SLC23A2: variants seen among roughly 807,000 people sequenced by gnomAD.
SLC23A2 encodes solute carrier family 23 member 2.
Under a neutral mutation model 73.3 loss-of-function variants are expected in SLC23A2, and 36 were observed. That is an observed-to-expected ratio of 0.49 (90% CI 0.38 to 0.65). The LOEUF is 0.65. Among genes scored for constraint, SLC23A2 ranks in the 30% least tolerant of loss-of-function variants. SLC23A2 has a pLI of 0.00. For missense variants in SLC23A2, 507 were observed against 841.6 expected, an observed-to-expected ratio of 0.60 and a Z score of 4.92; for synonymous variants, 343 against 327.3, an observed-to-expected ratio of 1.05 and a Z score of -0.52.
chr20:4,976,017 C>G lies in SLC23A2; in HGVS notation c.-281-5098G>C, dbSNP rs200558307. 1.4e-4 allele frequency among the ~76,000 whole-genome samples: 21 copies of G among 151,774 alleles called. 1 individual carries two copies. In the East Asian group the frequency reaches 4.1e-3, roughly 30 times the overall value. On this transcript the variant is annotated intron_variant, in intron 1 of 16. Coordinates refer to ENST00000338244, the MANE Select transcript of SLC23A2 (RefSeq NM_005116.6). ...TACGGGCACCTGTCACCAGGCCCGG[C>G]TAATTTTTTATATTTTTAGTAGAGA...
At chr20:4,959,734 T>C (rs1006993678) in intron 2 of SLC23A2, among the ~76,000 whole-genome samples, 5 of 152,112 alleles carry the variant, frequency 3.3e-5, no homozygotes, top group African/African-American at 7.2e-5. Flanking sequence ...CAAGCAAACC[T>C]CCCGCCTTGA....
At chr20:4,928,536 G>A (rs933557164) in intron 3 of SLC23A2, among the ~76,000 whole-genome samples, 1 of 152,178 alleles carries the variant, frequency 6.6e-6, no homozygotes, top group Non-Finnish European at 1.5e-5. Context: ...GGGAGCTCAT[G>A]TTTGGACTCT....
In SLC23A2 at chr20:4,862,674, GA is replaced by G; in HGVS notation, c.1486+103del. ...GGCATATCCTTTGTATTTTAAAATA[GA>G]AATTTATCGTTACCTTCTTACTGAA... On this transcript the variant is annotated intron_variant, in intron 14 of 16. Transcript: ENST00000338244. This position sits in a 1 kb window ranked among gnomAD's most constrained non-coding sequence, Gnocchi z 5.1. The G allele has an allele frequency of 9.4e-7, 1 of 1,060,190 alleles. No individual in the cohort carries two copies. The highest frequency in any genetic ancestry group is 2.1e-4 in the Middle Eastern group (1 of 4,660). 65.7% of individuals were successfully genotyped at this position (1,060,190 alleles called of 1,614,324 possible).
intron 2 of SLC23A2, among the ~76,000 whole-genome samples, chr20:4,965,564 A>C (rs2122201938): frequency 6.6e-6 from 1 of 151,966 alleles, no homozygotes; most frequent in East Asian, 1.9e-4. Context: ...TTGAGCCCAG[A>C]AGTTCGAGAC....
At chr20:4,978,054 G>A (rs892088709) in intron 1 of SLC23A2, among the ~76,000 whole-genome samples, 29 of 151,908 alleles carry the variant, frequency 1.9e-4, no homozygotes, top group Admixed American at 6.6e-5. Flanking sequence ...AAAAATTAAA[G>A]ACACCTTTCC....
chr20:4,888,386 A>G (rs1051847445), intron 6 of SLC23A2, among the ~76,000 whole-genome samples: 7 of 152,252 alleles, frequency 4.6e-5, no homozygotes. Context: ...TGACCTGTCT[A>G]CAGGGAAAAT....
rs1019267699 is a variant in SLC23A2 at position 4,998,782 on chromosome 20, A to G, written c.-282+2624T>C. 6.6e-6 allele frequency among the ~76,000 whole-genome samples: 1 copy of G among 151,364 alleles called. No homozygotes were observed. The highest frequency in any genetic ancestry group is 1.5e-5 in the Non-Finnish European group (1 of 67,958). ...AATTTACATGTACAAAGCACCATAT[A>G]ATTTCAAATCATTACTGTTGATCTT... On this transcript the variant is annotated intron_variant, in intron 1 of 16. Transcript: ENST00000338244. This position sits in a 1 kb window ranked among gnomAD's most constrained non-coding sequence, Gnocchi z 4.1.
intron 1 of SLC23A2, among the ~76,000 whole-genome samples, chr20:4,996,028 C>T (rs2088014265): frequency 6.6e-6 from 1 of 152,114 alleles, no homozygotes; most frequent in South Asian, 2.1e-4. Flanking sequence ...ACAGAAGTTA[C>T]CCAAGACTTC....
At chr20:4,961,438 G>A (rs1447251493) in intron 2 of SLC23A2, among the ~76,000 whole-genome samples, 1 of 152,076 alleles carries the variant, frequency 6.6e-6, no homozygotes, top group Non-Finnish European at 1.5e-5. Flanking sequence ...CAATCCCCCA[G>A]AGTGGGGCCT....
Position 4,902,271 on chromosome 20 carries a change from T to G in SLC23A2, c.324+171A>C, listed in dbSNP as rs1234223196. Among the ~76,000 whole-genome samples, 1 of 152,238 alleles carries G rather than the reference T, an allele frequency of 6.6e-6. No individual in the cohort carries two copies. Among genetic ancestry groups the G allele is most frequent in the Non-Finnish European group, 1.5e-5 (1 of 68,030 alleles). ...TGCCCACCTCAGCCTCCAAAACTGC[T>G]AGGATTACAGGCATCAGCCACTGTG... is the stretch of plus-strand genomic sequence containing the variant. On this transcript the variant is annotated intron_variant, in intron 5 of 16. Coordinates refer to ENST00000338244, the MANE Select transcript of SLC23A2 (RefSeq NM_005116.6). The surrounding 1 kb of genome is among the most constrained non-coding windows in gnomAD (Gnocchi z 4.0).
At chr20:4,987,905 C>T (rs2087857948) in intron 1 of SLC23A2, among the ~76,000 whole-genome samples, 1 of 150,654 alleles carries the variant, frequency 6.6e-6, no homozygotes, top group Admixed American at 6.6e-5. Flanking sequence ...TTGAATACCA[C>T]TAAAGAATAT....
chr20:4,874,586 T>C lies in SLC23A2; in HGVS notation c.935A>G (p.Lys312Arg), dbSNP rs1930582075. 3 of 1,596,036 alleles carry C rather than the reference T, an allele frequency of 1.9e-6. No homozygotes were observed. The highest frequency in any genetic ancestry group is 1.3e-5 in the African/African-American group (1 of 74,084). The change falls in exon 10 of 17, where the codon AAA becomes AGA. Residue 312 changes from lysine to arginine, a missense_variant. Physicochemically the swap from Lys to Arg is conservative, Grantham distance 26. This residue lies in a region of SLC23A2 where 217 missense variants were observed against 398.0 expected (regional missense o/e 0.55). Coordinates refer to ENST00000338244, the MANE Select transcript of SLC23A2 (RefSeq NM_005116.6). ...GWTAYKLQLF[K>R]MFPIILAILV... ...AAGTCAGCTACTCACAGGGAACATT[T>C]TGAACAGCTGTAACTTGTACGCAGT...
chr20:5,001,033 A>C (rs1355274297), intron 1 of SLC23A2, among the ~76,000 whole-genome samples: 2 of 152,074 alleles, frequency 1.3e-5, no homozygotes, highest in African/African-American at 4.8e-5. Context: ...AGAGCCCGGG[A>C]GGAGGCGGCG....
intron 11 of SLC23A2, among the ~76,000 whole-genome samples, chr20:4,871,782 G>C (rs557552642): frequency 9.9e-5 from 15 of 152,058 alleles, no homozygotes; most frequent in Non-Finnish European, 1.6e-4. Context: ...ATCAGCTCCA[G>C]GTTAATTTGG....
chr20:4,978,311 T>C (rs1041452387), intron 1 of SLC23A2, among the ~76,000 whole-genome samples: 2 of 152,224 alleles, frequency 1.3e-5, no homozygotes, highest in African/African-American at 4.8e-5. Flanking sequence ...CAAGCACTGT[T>C]GACCTTCAAC....
At chr20:4,939,824 C>A (rs999318850) in intron 2 of SLC23A2, among the ~76,000 whole-genome samples, 1 of 151,954 alleles carries the variant, frequency 6.6e-6, no homozygotes, top group Non-Finnish European at 1.5e-5. Flanking sequence ...ATATGTGTGA[C>A]CTTTATGAAG....
intron 2 of SLC23A2, among the ~76,000 whole-genome samples, chr20:4,957,630 G>A (rs1010979764): frequency 1.3e-5 from 2 of 151,242 alleles, no homozygotes; most frequent in Non-Finnish European, 2.9e-5. Context: ...GCTGAGCGCA[G>A]TGGCTCACAC....
intron 10 of SLC23A2, among the ~76,000 whole-genome samples, chr20:4,874,326 A>T (rs1172483784): frequency 6.6e-6 from 1 of 152,216 alleles, no homozygotes; most frequent in Non-Finnish European, 1.5e-5. Flanking sequence ...TGCAGAGGCC[A>T]CGTGGAGTCA....
chr20:4,856,886 A>G lies in SLC23A2; in HGVS notation c.*86T>C. ...GGGCGCAGAATGTAAATGTAGATAT[A>G]CAAACATGTATTTTACTTCTTGTTA... On this transcript the variant is annotated 3_prime_UTR_variant, in exon 17 of 17. Coordinates refer to ENST00000338244, the MANE Select transcript of SLC23A2 (RefSeq NM_005116.6). The surrounding 1 kb of genome is among the most constrained non-coding windows in gnomAD (Gnocchi z 4.6). 1.2e-6 allele frequency: 1 copy of G among 837,862 alleles called. No individual in the cohort carries two copies. Among genetic ancestry groups the G allele is most frequent in the Non-Finnish European group, 2.0e-6 (1 of 510,138 alleles). The allele number at this position is 837,862 out of a possible 1,614,324, so 51.9% of individuals were successfully genotyped here.
Sources: allele counts gnomAD v4.1 joint callset (sites outside exome capture counted in the v4.1 genomes callset), GRCh38; gene constraint gnomAD v4.1.1; regional missense constraint gnomAD v4.1.1; non-coding constraint Gnocchi (gnomAD v3.1); transcripts MANE v1.5; gene names NCBI Gene and HGNC (gene_info 2026-07-23, HGNC 2026-07-21).